TASOR2: variants seen among roughly 807,000 people sequenced by gnomAD.
The protein encoded by TASOR2 is protein TASOR 2.
A neutral mutation model predicts 199.5 loss-of-function variants in TASOR2; 84 were observed. The observed-to-expected ratio is 0.42, with a 90% CI of 0.35 to 0.50. The LOEUF (loss-of-function observed/expected upper bound fraction) is 0.50. Among genes scored for constraint, TASOR2 ranks in the 20% least tolerant of loss-of-function variants. TASOR2 has a pLI of 0.02. For missense variants in TASOR2, 2,796 were observed against 2,835.9 expected, an observed-to-expected ratio of 0.99 and a Z score of 0.32; for synonymous variants, 1,103 against 1,046.6, an observed-to-expected ratio of 1.05 and a Z score of -1.04.
intron 17 of TASOR2, among the ~76,000 whole-genome samples, chr10:5,758,254 G>A (rs747039179): frequency 6.6e-6 from 1 of 152,052 alleles, no homozygotes; most frequent in Admixed American, 6.5e-5. Flanking sequence ...ACAGAACCTG[G>A]GATTTTAAAT....
intron 2 of TASOR2, among the ~76,000 whole-genome samples, chr10:5,715,221 C>T (rs558735935): frequency 3.5e-5 from 3 of 85,874 alleles, no homozygotes; most frequent in Non-Finnish European, 6.8e-5. Flanking sequence ...TCCTGCTGAC[C>T]TTTTTTTTTT....
chr10:5,757,195 ACGAATGACGG>A (rs1416626036), intron 16 of TASOR2, among the ~76,000 whole-genome samples: 4 of 152,226 alleles, frequency 2.6e-5, no homozygotes, highest in African/African-American at 9.6e-5. Flanking sequence ...GGAGCTGGAG[ACGAATGACGG>A]CGAAGTGAGG....
intron 2 of TASOR2, 43 bp from the exon 4 acceptor site, chr10:5,717,616 G>A (rs949255673): frequency 3.8e-5 from 32 of 846,976 alleles, no homozygotes; most frequent in Non-Finnish European, 4.9e-5. Context: ...TCTCCTGTCT[G>A]ATGGGCAATC....
exon 9 of TASOR2, chr10:5,726,939 G>A (rs762484879): frequency 1.2e-6 from 2 of 1,614,010 alleles, no homozygotes; most frequent in Non-Finnish European, 1.7e-6. Context: ...TACATCATCA[G>A]CCTTACTATC....
At chr10:5,717,868 C>T in intron 3 of TASOR2, 118 bp downstream of exon 4, 1 of 407,626 alleles carries the variant, frequency 2.5e-6, no homozygotes, top group Non-Finnish European at 4.2e-6. Context: ...TATCCAAATT[C>T]AGGAAAAGCA....
At chr10:5,723,894 G>A in intron 7 of TASOR2, 117 bp downstream of exon 8, 2 of 542,360 alleles carry the variant, frequency 3.7e-6, no homozygotes, top group South Asian at 1.2e-4. Flanking sequence ...ACTCTTAAAA[G>A]AGTCTTTTGT....
At chr10:5,760,321 C>T (rs982012577) in intron 18 of TASOR2, among the ~76,000 whole-genome samples, 8 of 152,166 alleles carry the variant, frequency 5.3e-5, no homozygotes, top group African/African-American at 9.7e-5. Context: ...GGTACATGCC[C>T]GTACTCACTG....
chr10:5,696,941 G>A (rs1042230887), intron 1 of TASOR2, among the ~76,000 whole-genome samples: 2 of 152,090 alleles, frequency 1.3e-5, no homozygotes, highest in Non-Finnish European at 2.9e-5. Flanking sequence ...TAAAGCTGAA[G>A]AATTCTCCCC....
At position 5,730,987 on chromosome 10, in the gene TASOR2, T is replaced by C; in HGVS notation, c.988T>C (p.Leu330=). ...AACAAAAAAGGATTCTGAAGAAATG[T>C]TGAAAGCAAAGAAGAGAGTTTTTCC... The change falls in exon 11 of 21, where the codon TTG becomes CTG. Residue 330 remains leucine (L), a synonymous_variant. Transcript: ENST00000328090. This position sits in a 1 kb window ranked among gnomAD's most constrained non-coding sequence, Gnocchi z 4.1. 1 of 1,614,034 alleles carries C rather than the reference T, an allele frequency of 6.2e-7. No individual in the cohort carries two copies.
rs1835693729 is a variant in TASOR2, at chr10:5,685,371, A to G, written c.-288+196A>G. The stretch of plus-strand genomic sequence containing the variant: ...GACTCAACCTTCTGTCCTGCGCTAC[A>G]ACCTGTGGCCGCGCTCGGTGTCGCC... On this transcript the variant is annotated intron_variant, in intron 1 of 20. Transcript: ENST00000328090. This position sits in a 1 kb window ranked among gnomAD's most constrained non-coding sequence, Gnocchi z 5.4. Among the ~76,000 whole-genome samples, 1 of 150,100 alleles carries G rather than the reference A, an allele frequency of 6.7e-6. No homozygotes were observed. The highest frequency in any genetic ancestry group is 6.6e-5 in the Admixed American group (1 of 15,048).
chr10:5,698,839 G>A lies in TASOR2; in HGVS notation c.-288+13664G>A, dbSNP rs1377653558. Among the ~76,000 whole-genome samples, 1 of 152,138 alleles carries A rather than the reference G, an allele frequency of 6.6e-6. No individual in the cohort carries two copies. Among genetic ancestry groups the A allele is most frequent in the African/African-American group, 2.4e-5 (1 of 41,430 alleles). On this transcript the variant is annotated intron_variant, in intron 1 of 20. Transcript: ENST00000328090. This position sits in a 1 kb window ranked among gnomAD's most constrained non-coding sequence, Gnocchi z 4.4. ...AAAAAGACAGATAATAACAAGTGTT[G>A]GTAATGCTGTGAAAAAATTGGAACC...
intron 14 of TASOR2, among the ~76,000 whole-genome samples, chr10:5,743,450 C>T (rs556875046): frequency 2.0e-5 from 3 of 152,326 alleles, no homozygotes; most frequent in South Asian, 4.1e-4. Flanking sequence ...GACTATTAAT[C>T]TCCCCATTAC....
In TASOR2 at chr10:5,740,294, A is replaced by G. The variant is rs1836215444; in HGVS notation, c.2124A>G (p.Gln708=). 6.2e-7 allele frequency: 1 copy of G among 1,614,214 alleles called. No individual in the cohort carries two copies. Among genetic ancestry groups the G allele is most frequent in the Non-Finnish European group, 8.5e-7 (1 of 1,180,038 alleles). Residue 708 remains glutamine (Q), a synonymous_variant, in exon 13 of 21, where the codon CAA becomes CAG. Coordinates refer to ENST00000328090, the Ensembl canonical transcript of TASOR2. The surrounding 1 kb of genome is among the most constrained non-coding windows in gnomAD (Gnocchi z 5.3). ...ATCAGCCCGGCCTTTTGCTTCAGCA[A>G]AAGCCTCCTGACGACCCCGTGGTGA...
rs1259404199 is a variant in TASOR2, at chr10:5,742,389, T to G, written c.2620T>G (p.Leu874Val). 2 of 1,614,114 alleles carry G rather than the reference T, an allele frequency of 1.2e-6. No homozygotes were observed. Among genetic ancestry groups the G allele is most frequent in the Non-Finnish European group, 1.7e-6 (2 of 1,180,014 alleles). ...AGTATCCTTCCGTGATCCTAACTGC[T>G]TGCTTCCTTTCATTAAAACACCACT... Residue 874 changes from leucine (L) to valine (V), a missense_variant, in exon 14 of 21, where the codon TTG becomes GTG. Leu to Val is a conservative substitution (Grantham distance 32, BLOSUM62 1). Coordinates refer to ENST00000328090, the Ensembl canonical transcript of TASOR2. The surrounding 1 kb of genome is among the most constrained non-coding windows in gnomAD (Gnocchi z 4.2).
chr10:5,684,939 G>T, exon 1 of TASOR2: 1 of 397,776 alleles, frequency 2.5e-6, no homozygotes, highest in South Asian at 1.3e-4. Flanking sequence ...ACGGGAGACA[G>T]AGCGCGGGCG....
intron 20 of TASOR2, 72 bp downstream of exon 21, chr10:5,762,718 TA>T: frequency 1.3e-6 from 1 of 788,896 alleles, no homozygotes; most frequent in Non-Finnish European, 2.1e-6. Flanking sequence ...CATTTGTGTC[TA>T]AGGGAAACAG....
In TASOR2 at chr10:5,742,051, T is replaced by C; in HGVS notation, c.2328-46T>C. On this transcript the variant is annotated intron_variant, in intron 13 of 20. Coordinates refer to ENST00000328090, the Ensembl canonical transcript of TASOR2. This position sits in a 1 kb window ranked among gnomAD's most constrained non-coding sequence, Gnocchi z 4.2. Reference sequence around the variant, plus strand: ...CTTATGATAAGGTAATCAACTAAAATAACCATTTTCAATGATTTTCATGTG... The same window carrying C: ...CTTATGATAAGGTAATCAACTAAAACAACCATTTTCAATGATTTTCATGTG... The C allele has an allele frequency of 6.4e-7, 1 of 1,570,324 alleles. No individual in the cohort carries two copies. The highest frequency in any genetic ancestry group is 2.0e-5 in the Admixed American group (1 of 50,134).
chr10:5,744,815 G>C (rs756521017), intron 14 of TASOR2, among the ~76,000 whole-genome samples: 15 of 152,142 alleles, frequency 9.9e-5, no homozygotes, highest in Non-Finnish European at 1.9e-4. Flanking sequence ...TTTTAGTAGA[G>C]ACTAGGTTTC....
chr10:5,747,881 C>T (rs1217458004), exon 15 of TASOR2: 1 of 1,613,600 alleles, frequency 6.2e-7, no homozygotes, highest in Admixed American at 1.7e-5. Context: ...ACTGATCATC[C>T]AGGAAGAACA....
Sources: allele counts gnomAD v4.1 joint callset (sites outside exome capture counted in the v4.1 genomes callset), GRCh38; gene constraint gnomAD v4.1.1; non-coding constraint Gnocchi (gnomAD v3.1); transcripts MANE v1.5; gene names NCBI Gene and HGNC (gene_info 2026-07-23, HGNC 2026-07-21).